FAM81A: variants seen among roughly 807,000 people sequenced by gnomAD.
FAM81A encodes the protein family with sequence similarity 81 member A.
In FAM81A, 19 loss-of-function variants were observed where a neutral mutation model predicts 46.7. The ratio of observed to expected loss-of-function variants is 0.41; its 90% confidence interval spans 0.28 to 0.60. The LOEUF (loss-of-function observed/expected upper bound fraction) is 0.60. Among genes scored for constraint, FAM81A ranks in the 20% least tolerant of loss-of-function variants. The pLI is 0.34. For missense variants in FAM81A, 377 were observed against 453.5 expected (o/e 0.83, Z 1.53); for synonymous variants, 183 against 152.9 (o/e 1.20, Z -1.45).
intron 1 of FAM81A, 186 bp downstream of exon 1, chr15:59,438,468 A>T (rs1018361106): frequency 1.3e-5 from 2 of 152,256 alleles, no homozygotes; most frequent in Non-Finnish European, 2.9e-5. Flanking sequence ...CGAAGGGCTG[A>T]AGTTGGGCAC....
At chr15:59,492,851 G>C (rs538137635) in intron 4 of FAM81A, among the ~76,000 whole-genome samples, 1 of 152,138 alleles carries the variant, frequency 6.6e-6, no homozygotes, top group Non-Finnish European at 1.5e-5. Flanking sequence ...GTGCTGCATG[G>C]ACCAGCAGCC....
rs1431540982 is a variant in FAM81A, at chr15:59,521,814, G to A, written c.*436G>A. On this transcript the variant is annotated 3_prime_UTR_variant, in exon 9 of 9. Coordinates refer to ENST00000288228, the MANE Select transcript of FAM81A (RefSeq NM_152450.3). ...CACCCTAAATTAAGAGAATGTCCCAGTAGATTAGACTTCAACCTTTGAGTC... is the reference window on the plus strand; with the variant it reads ...CACCCTAAATTAAGAGAATGTCCCAATAGATTAGACTTCAACCTTTGAGTC... 6.5e-6 allele frequency: 1 copy of A among 152,754 alleles called. No homozygotes were observed. The highest frequency in any genetic ancestry group is 2.4e-5 in the African/African-American group (1 of 41,446). 9.5% of individuals were successfully genotyped at this position (152,754 alleles called of 1,614,324 possible).
chr15:59,405,826 C>T (rs376856462), intron 2 of FAM81A, among the ~76,000 whole-genome samples: 9 of 152,148 alleles, frequency 5.9e-5, no homozygotes, highest in Non-Finnish European at 2.9e-5. Flanking sequence ...CAATAGTCAG[C>T]CTTGACTTTT....
intron 8 of FAM81A, among the ~76,000 whole-genome samples, chr15:59,517,614 C>G (rs2082281219): frequency 6.6e-6 from 1 of 152,152 alleles, no homozygotes; most frequent in South Asian, 2.1e-4. Context: ...GAATTTTCTT[C>G]TATGAAATTG....
rs2081539660 is a variant in FAM81A at position 59,460,533 on chromosome 15, C to A, written c.294+327C>A. The A allele has an allele frequency of 7.5e-6, 3 of 400,178 alleles. No individual in the cohort carries two copies. Among genetic ancestry groups the A allele is most frequent in the Admixed American group, 3.6e-5 (1 of 27,482 alleles). The allele number at this position is 400,178 out of a possible 1,614,324, so 24.8% of individuals were successfully genotyped here. A position where few individuals can be genotyped will look rare whatever the true frequency, so the allele number is the denominator to read the frequency against. ...AGTTTCACTCTATAATCTTTCATAT[C>A]TTTGAAGACAGCTATTAAGTCAATT... is the stretch of plus-strand genomic sequence containing the variant. On this transcript the variant is annotated intron_variant, in intron 3 of 8. Transcript: ENST00000288228. The surrounding 1 kb of genome is among the most constrained non-coding windows in gnomAD (Gnocchi z 4.4).
chr15:59,490,043 A>G (rs1280961156), intron 3 of FAM81A, among the ~76,000 whole-genome samples: 1 of 152,184 alleles, frequency 6.6e-6, no homozygotes, highest in Non-Finnish European at 1.5e-5. Context: ...AATAATCTGT[A>G]CAACAAACAT....
chr15:59,463,543 A>G (rs1431217958), intron 3 of FAM81A, among the ~76,000 whole-genome samples: 1 of 152,144 alleles, frequency 6.6e-6, no homozygotes, highest in Non-Finnish European at 1.5e-5. Flanking sequence ...ATTGCTTTGC[A>G]TGTATAGATT....
chr15:59,501,671 T>C (rs1378821911), intron 4 of FAM81A, among the ~76,000 whole-genome samples: 2 of 152,088 alleles, frequency 1.3e-5, no homozygotes, highest in Non-Finnish European at 2.9e-5. Context: ...TGACCACCAG[T>C]GATTAGGTAA....
chr15:59,469,915 T>C (rs950182637), intron 3 of FAM81A, among the ~76,000 whole-genome samples: 5 of 152,176 alleles, frequency 3.3e-5, no homozygotes, highest in Non-Finnish European at 7.3e-5. Flanking sequence ...GACCTGGTGG[T>C]GACAAAATCT....
At chr15:59,508,793 A>G (rs2082175169) in intron 5 of FAM81A, 70 bp from the exon 6 acceptor site, 2 of 1,100,984 alleles carry the variant, frequency 1.8e-6, no homozygotes, top group South Asian at 1.4e-5. Context: ...AATATGGCTT[A>G]CTAAATGTTT....
intron 2 of FAM81A, among the ~76,000 whole-genome samples, chr15:59,408,672 C>CA (rs1240139193): frequency 6.6e-6 from 1 of 151,840 alleles, no homozygotes; most frequent in East Asian, 1.9e-4. Flanking sequence ...ACTAAAAATA[C>CA]AAAAAAATGA....
At chr15:59,468,723 C>T (rs139058718) in intron 3 of FAM81A, among the ~76,000 whole-genome samples, 1 of 150,356 alleles carries the variant, frequency 6.7e-6, no homozygotes, top group African/African-American at 2.4e-5. Flanking sequence ...TTCAGTTCTG[C>T]TTTGAGCTTA....
At chr15:59,498,601 A>G (rs1484728095) in intron 4 of FAM81A, among the ~76,000 whole-genome samples, 2 of 152,016 alleles carry the variant, frequency 1.3e-5, no homozygotes, top group Non-Finnish European at 1.5e-5. Context: ...TTGTTTTTTT[A>G]TTTTAGGAGA....
At chr15:59,434,923 T>TC (rs1202267461), upstream of FAM81A, among the ~76,000 whole-genome samples, 2 of 152,202 alleles carry the variant, frequency 1.3e-5, no homozygotes. Context: ...ATGTCGTGTG[T>TC]ATCTCATCTT....
intron 4 of FAM81A, among the ~76,000 whole-genome samples, chr15:59,494,323 G>C (rs764641410): frequency 2.6e-5 from 4 of 152,262 alleles, no homozygotes; most frequent in East Asian, 1.9e-4. Flanking sequence ...GAGGATCTTC[G>C]TAGCCGCTTG....
At chr15:59,449,519 C>T (rs531745160) in intron 1 of FAM81A, among the ~76,000 whole-genome samples, 23 of 152,266 alleles carry the variant, frequency 1.5e-4, no homozygotes, top group Middle Eastern at 3.4e-3. Context: ...CGGTGGCTCA[C>T]GCCTGTAATC....
intron 4 of FAM81A, among the ~76,000 whole-genome samples, chr15:59,501,138 T>A (rs2082086726): frequency 6.6e-6 from 1 of 152,152 alleles, no homozygotes; most frequent in Non-Finnish European, 1.5e-5. Flanking sequence ...TGTTTGCATG[T>A]TTATTTGTTT....
At chr15:59,495,208 C>T (rs1336392332) in intron 4 of FAM81A, among the ~76,000 whole-genome samples, 1 of 152,182 alleles carries the variant, frequency 6.6e-6, no homozygotes, top group Non-Finnish European at 1.5e-5. Flanking sequence ...CCAGCCTCCC[C>T]AGTTCCCCAG....
chr15:59,423,165 T>C (rs1288812704), intron 2 of FAM81A, among the ~76,000 whole-genome samples: 1 of 152,190 alleles, frequency 6.6e-6, no homozygotes, highest in Non-Finnish European at 1.5e-5. Context: ...TGGCGCGATC[T>C]CGGCTCACTG....
Sources: allele counts gnomAD v4.1 joint callset (sites outside exome capture counted in the v4.1 genomes callset), GRCh38; gene constraint gnomAD v4.1.1; non-coding constraint Gnocchi (gnomAD v3.1); transcripts MANE v1.5; gene names NCBI Gene and HGNC (gene_info 2026-07-23, HGNC 2026-07-21).